GALNT16: variants seen among roughly 807,000 people sequenced by gnomAD.
GALNT16 encodes the protein UDP-GalNAc:polypeptide N-acetylgalactosaminyltransferase-like protein 1.
A neutral mutation model predicts 76.1 loss-of-function variants in GALNT16; 40 were observed. That is an observed-to-expected ratio of 0.53 (90% CI 0.41 to 0.68). The LOEUF (loss-of-function observed/expected upper bound fraction) is 0.68, where lower values mean the gene tolerates loss of function less well. Ranked by LOEUF, GALNT16 falls within the 30% of genes least tolerant of loss-of-function variation. GALNT16 has a pLI of 0.00. For missense variants in GALNT16, 621 were observed against 731.9 expected (o/e 0.85, Z 1.75); for synonymous variants, 276 against 285.2 (o/e 0.97, Z 0.32).
chr14:69,262,816 A>C (rs997055174), intron 1 of GALNT16, among the ~76,000 whole-genome samples: 1 of 152,002 alleles, frequency 6.6e-6, no homozygotes, highest in Non-Finnish European at 1.5e-5. Context: ...TAAGTGATGC[A>C]TGCGGGAACT....
At chr14:69,282,647 G>T (rs956359731) in intron 1 of GALNT16, among the ~76,000 whole-genome samples, 3 of 127,344 alleles carry the variant, frequency 2.4e-5, no homozygotes, top group African/African-American at 8.8e-5. Context: ...TTAAGAATTT[G>T]TCCTATTTAT....
At chr14:69,336,739 A>C (rs981938278) in intron 9 of GALNT16, among the ~76,000 whole-genome samples, 3 of 150,268 alleles carry the variant, frequency 2.0e-5, no homozygotes, top group African/African-American at 4.9e-5. Context: ...TTATTTATTT[A>C]TTTTTAGAGA....
At chr14:69,327,770 C>T (rs1481621867) in intron 5 of GALNT16, among the ~76,000 whole-genome samples, 1 of 152,216 alleles carries the variant, frequency 6.6e-6, no homozygotes, top group Non-Finnish European at 1.5e-5. Flanking sequence ...GGCCTCCTCC[C>T]TCCTGACCAG....
chr14:69,281,149 G>A (rs766223172), intron 1 of GALNT16, among the ~76,000 whole-genome samples: 21 of 152,116 alleles, frequency 1.4e-4, no homozygotes, highest in Middle Eastern at 3.2e-3. Context: ...CCTCCACAGT[G>A]CCTGGTCCAT....
At chr14:69,293,367 C>G (rs1417793673) in intron 1 of GALNT16, among the ~76,000 whole-genome samples, 1 of 152,200 alleles carries the variant, frequency 6.6e-6, no homozygotes, top group Non-Finnish European at 1.5e-5. Flanking sequence ...TTGTTTCAGA[C>G]AGAATACTTC....
At chr14:69,268,188 C>T (rs1321128273) in intron 1 of GALNT16, among the ~76,000 whole-genome samples, 1 of 152,122 alleles carries the variant, frequency 6.6e-6, no homozygotes, top group African/African-American at 2.4e-5. Flanking sequence ...TCAGATACCT[C>T]AACAATCTAG....
At chr14:69,362,153 G>A in the GALNT16 span, among the ~76,000 whole-genome samples, 657 of 152,330 alleles carry the variant, frequency 4.3e-3, 6 homozygotes, top group African/African-American at 0.015. Flanking sequence ...TCTGGGGCTC[G>A]GGAGGGTGAG....
At chr14:69,281,503 G>T (rs1001965190) in intron 1 of GALNT16, among the ~76,000 whole-genome samples, 1 of 152,142 alleles carries the variant, frequency 6.6e-6, no homozygotes, top group South Asian at 2.1e-4. Flanking sequence ...GGAAAAGAAG[G>T]ACAATTGCAA....
chr14:69,343,099 A>G (rs1395348392), intron 12 of GALNT16, among the ~76,000 whole-genome samples: 1 of 152,234 alleles, frequency 6.6e-6, no homozygotes, highest in Non-Finnish European at 1.5e-5. Flanking sequence ...TTTTAATGGA[A>G]CAAGTTGCAC....
chr14:69,340,089 G>T (rs1845145488), intron 11 of GALNT16, among the ~76,000 whole-genome samples: 1 of 152,174 alleles, frequency 6.6e-6, no homozygotes, highest in Non-Finnish European at 1.5e-5. Context: ...GAGAGAGAGA[G>T]AAGTAGAACC....
intron 1 of GALNT16, among the ~76,000 whole-genome samples, chr14:69,272,751 T>C (rs1487200510): frequency 6.6e-6 from 1 of 152,240 alleles, no homozygotes; most frequent in East Asian, 1.9e-4. Context: ...ACTGTATTTT[T>C]ACTCTACTTT....
At chr14:69,324,643 C>A in intron 2 of GALNT16, 49 bp from the exon 3 acceptor site, 1 of 1,033,328 alleles carries the variant, frequency 9.7e-7, no homozygotes, top group Non-Finnish European at 1.5e-6. Flanking sequence ...ATTGACCTGC[C>A]CTGAGGATGC....
the GALNT16 span, among the ~76,000 whole-genome samples, chr14:69,379,736 T>A: frequency 1.3e-5 from 2 of 152,190 alleles, no homozygotes; most frequent in Admixed American, 1.3e-4. Flanking sequence ...CCTTATAGCT[T>A]CCCTACAGTA....
At chr14:69,375,279 G>A in the GALNT16 span, among the ~76,000 whole-genome samples, 1 of 152,110 alleles carries the variant, frequency 6.6e-6, no homozygotes, top group Non-Finnish European at 1.5e-5. Flanking sequence ...TTGTATCTGT[G>A]TCTTAACATG....
intron 1 of GALNT16, among the ~76,000 whole-genome samples, chr14:69,305,083 T>G (rs1320963522): frequency 6.6e-6 from 1 of 151,776 alleles, no homozygotes; most frequent in African/African-American, 2.4e-5. Context: ...ACATTCCCAC[T>G]GAAAGCGTGC....
chr14:69,372,489 G>GC, the GALNT16 span, among the ~76,000 whole-genome samples: 1 of 131,996 alleles, frequency 7.6e-6, no homozygotes, highest in Admixed American at 8.0e-5. Flanking sequence ...GTGATCATTA[G>GC]CCTTTTTTTT....
chr14:69,260,477 C>T lies in GALNT16; in HGVS notation c.177+10C>T, dbSNP rs114789616. ...CACCATCCCGCTCATTGTGAGTACG[C>T]CCCGAGCGTCGGCCGGCCGGCTAGG... On this transcript the variant is annotated intron_variant, in intron 1 of 14. Coordinates refer to ENST00000448469, the MANE Select transcript of GALNT16 (RefSeq NM_001168368.2). 7.2e-7 allele frequency: 1 copy of T among 1,387,402 alleles called. No homozygotes were observed. Among genetic ancestry groups the T allele is most frequent in the Admixed American group, 3.4e-5 (1 of 29,278 alleles). 85.9% of individuals were successfully genotyped at this position (1,387,402 alleles called of 1,614,324 possible).
chr14:69,331,635 C>T, intron 7 of GALNT16, 84 bp downstream of exon 7: 1 of 800,082 alleles, frequency 1.2e-6, no homozygotes, highest in South Asian at 1.4e-5. Context: ...GCTTGCTGCT[C>T]TTTCCAGCTG....
At chr14:69,334,637 G>A (rs987463178) in intron 9 of GALNT16, among the ~76,000 whole-genome samples, 17 of 152,190 alleles carry the variant, frequency 1.1e-4, no homozygotes, top group Admixed American at 7.9e-4. Flanking sequence ...GAAAGACAGG[G>A]TGAGGGAGCA....
Sources: gnomAD v4.1 joint callset for allele counts (sites outside exome capture counted in the v4.1 genomes callset) on GRCh38, gnomAD v4.1.1 for gene constraint, MANE v1.5 for transcripts, NCBI Gene and HGNC (gene_info 2026-07-23, HGNC 2026-07-21) for gene names.